The following ALK variants were observed in gnomAD, a reference collection of about 807,000 sequenced individuals.
The protein encoded by ALK is ALK receptor tyrosine kinase.
A neutral mutation model predicts 163.1 loss-of-function variants in ALK; 74 were observed. The observed-to-expected ratio is 0.45, with a 90% confidence interval of 0.38 to 0.55. The LOEUF is 0.55. Among genes scored for constraint, ALK ranks in the 20% least tolerant of loss-of-function variants. ALK has a pLI of 0.00. For synonymous variants in ALK, 960 were observed against 843.2 expected (o/e 1.14, Z -2.40); for missense variants, 2,063 against 2,105.3 (o/e 0.98, Z 0.39).
At chr2:29,475,327 C>T (rs1268630526) in intron 4 of ALK, among the ~76,000 whole-genome samples, 1 of 152,142 alleles carries the variant, frequency 6.6e-6, no homozygotes, top group East Asian at 1.9e-4. Context: ...CCTCCCAACT[C>T]CACATCCCCT....
chr2:29,709,807 A>G (rs953242642), intron 2 of ALK, among the ~76,000 whole-genome samples: 6 of 152,210 alleles, frequency 3.9e-5, no homozygotes, highest in Non-Finnish European at 7.3e-5. Flanking sequence ...GCTAAAAATG[A>G]GCAAACCTTC....
At chr2:29,288,732 C>T (rs1665927856) in intron 9 of ALK, among the ~76,000 whole-genome samples, 1 of 152,010 alleles carries the variant, frequency 6.6e-6, no homozygotes, top group Admixed American at 6.5e-5. Flanking sequence ...GGGCAGATCA[C>T]TTGAGCTCAG....
At chr2:29,330,757 G>T (rs1347574375) in intron 5 of ALK, among the ~76,000 whole-genome samples, 3 of 152,152 alleles carry the variant, frequency 2.0e-5, no homozygotes, top group Admixed American at 2.0e-4. Context: ...TAAGAAGTAG[G>T]GGACTATGAG....
intron 5 of ALK, among the ~76,000 whole-genome samples, chr2:29,366,533 G>A (rs563761588): frequency 2.6e-5 from 4 of 152,302 alleles, no homozygotes; most frequent in African/African-American, 9.6e-5. Context: ...CAGACCTGGA[G>A]GTCCTGTGGA....
At chr2:29,738,581 T>C (rs529093850) in intron 1 of ALK, among the ~76,000 whole-genome samples, 1 of 152,154 alleles carries the variant, frequency 6.6e-6, no homozygotes, top group East Asian at 1.9e-4. Flanking sequence ...AGGAGAAATA[T>C]GAGACGTGTT....
chr2:29,390,331 G>T (rs533322955), intron 4 of ALK, among the ~76,000 whole-genome samples: 22 of 152,202 alleles, frequency 1.4e-4, no homozygotes, highest in African/African-American at 5.1e-4. Flanking sequence ...GATCGACAAT[G>T]ACAAAAGCCA....
chr2:29,251,067 G>A (rs1664801982), intron 12 of ALK, 38 bp downstream of exon 12: 9 of 1,606,102 alleles, frequency 5.6e-6, no homozygotes, highest in Non-Finnish European at 7.7e-6. Context: ...CTTCGGAAGG[G>A]GTGGTCTGCC....
At chr2:29,438,984 C>A (rs1049845964) in intron 4 of ALK, among the ~76,000 whole-genome samples, 7 of 152,222 alleles carry the variant, frequency 4.6e-5, no homozygotes, top group Non-Finnish European at 7.3e-5. Flanking sequence ...GCCTGTGGGA[C>A]TCCAAGCCAG....
At chr2:29,414,689 C>T (rs1669823656) in intron 4 of ALK, among the ~76,000 whole-genome samples, 1 of 152,354 alleles carries the variant, frequency 6.6e-6, no homozygotes, top group Non-Finnish European at 1.5e-5. Flanking sequence ...GTGTGAGTGG[C>T]ACCACTAATT....
chr2:29,538,592 C>T (rs1394442801), intron 3 of ALK, among the ~76,000 whole-genome samples: 1 of 152,188 alleles, frequency 6.6e-6, no homozygotes, highest in Non-Finnish European at 1.5e-5. Flanking sequence ...GTTACCCAGA[C>T]TCAGGTGTTC....
chr2:29,698,158 G>T (rs544513648), intron 2 of ALK, among the ~76,000 whole-genome samples: 2 of 152,296 alleles, frequency 1.3e-5, no homozygotes, highest in South Asian at 4.2e-4. Flanking sequence ...CACTTTGTTT[G>T]AGTTGATAAG....
At chr2:29,528,431 C>T (rs753504090) in intron 4 of ALK, among the ~76,000 whole-genome samples, 7 of 152,182 alleles carry the variant, frequency 4.6e-5, no homozygotes, top group Non-Finnish European at 8.8e-5. Flanking sequence ...GCTCCCTAGC[C>T]GGCTGCTTCT....
intron 5 of ALK, among the ~76,000 whole-genome samples, chr2:29,357,046 G>C (rs1351203000): frequency 6.6e-6 from 1 of 152,128 alleles, no homozygotes; most frequent in Non-Finnish European, 1.5e-5. Flanking sequence ...ATCCAACTGA[G>C]TGCGAAGATT....
chr2:29,360,012 G>A (rs1208927624), intron 5 of ALK, among the ~76,000 whole-genome samples: 1 of 152,184 alleles, frequency 6.6e-6, no homozygotes, highest in Non-Finnish European at 1.5e-5. Flanking sequence ...AGTAGAAGTG[G>A]GCAGGCCTCA....
chr2:29,775,663 C>A (rs1278833129), intron 1 of ALK, among the ~76,000 whole-genome samples: 1 of 152,124 alleles, frequency 6.6e-6, no homozygotes, highest in Non-Finnish European at 1.5e-5. Flanking sequence ...GGGTAAAAAT[C>A]CCTGCTTCCC....
chr2:29,757,531 G>A (rs1205854949), intron 1 of ALK, among the ~76,000 whole-genome samples: 2 of 152,054 alleles, frequency 1.3e-5, no homozygotes, highest in Admixed American at 1.3e-4. Flanking sequence ...CAGATAAAAA[G>A]CAAGTCATTT....
chr2:29,916,904 C>T (rs986219271), intron 1 of ALK, among the ~76,000 whole-genome samples: 3 of 152,166 alleles, frequency 2.0e-5, no homozygotes, highest in Non-Finnish European at 4.4e-5. Flanking sequence ...AATACAGTCC[C>T]AGAAACTGCC....
At chr2:29,617,446 A>G (rs72862848) in intron 3 of ALK, among the ~76,000 whole-genome samples, 1,733 of 152,278 alleles carry the variant, frequency 0.011, 26 homozygotes, top group Middle Eastern at 0.034. Context: ...TTCCTCTTCT[A>G]TCACATTGAA....
At chr2:29,351,982 G>A (rs544619411) in intron 5 of ALK, among the ~76,000 whole-genome samples, 1 of 152,254 alleles carries the variant, frequency 6.6e-6, no homozygotes, top group East Asian at 1.9e-4. Context: ...CCTATCATCA[G>A]CCCTAGCCCT....
Sources: gnomAD v4.1 joint callset for allele counts (sites outside exome capture counted in the v4.1 genomes callset) on GRCh38, gnomAD v4.1.1 for gene constraint, MANE v1.5 for transcripts, NCBI Gene and HGNC (gene_info 2026-07-23, HGNC 2026-07-21) for gene names.